Variants in MOXD1 observed in about 807,000 individuals in gnomAD.
MOXD1 encodes DBH-like monooxygenase protein 1.
A neutral mutation model predicts 66.6 loss-of-function variants in MOXD1; 62 were observed. The ratio of observed to expected loss-of-function variants is 0.93; its 90% confidence interval spans 0.76 to 1.15. The LOEUF is 1.15. Ranked by LOEUF, MOXD1 falls within the 50% of genes most tolerant of loss-of-function variation. The pLI, the probability that MOXD1 is intolerant of heterozygous loss-of-function variation, is 0.00. For synonymous variants in MOXD1, 303 were observed against 281.9 expected (o/e 1.07, Z -0.75); for missense variants, 847 against 754.6 (o/e 1.12, Z -1.44).
intron 4 of MOXD1, among the ~76,000 whole-genome samples, chr6:132,362,224 C>A (rs896571723): frequency 6.6e-6 from 1 of 151,970 alleles, no homozygotes. Context: ...TTAAGAAAAT[C>A]TTTTATTATA....
At chr6:132,382,156 T>C (rs900361607) in intron 1 of MOXD1, among the ~76,000 whole-genome samples, 6 of 152,120 alleles carry the variant, frequency 3.9e-5, no homozygotes, top group African/African-American at 1.4e-4. Context: ...ACACATATCA[T>C]AAATATACAA....
rs558922195 is a variant in MOXD1, at chr6:132,296,987, C to T, written c.*166G>A. 3.5e-6 allele frequency: 2 copies of T among 571,022 alleles called. No individual in the cohort carries two copies. Among genetic ancestry groups the T allele is most frequent in the Non-Finnish European group, 6.0e-6 (2 of 333,170 alleles). The allele number at this position is 571,022 out of a possible 1,614,324, so 35.4% of individuals were successfully genotyped here. On this transcript the variant is annotated 3_prime_UTR_variant, in exon 12 of 12. Transcript: ENST00000367963. ...ATATTTCTAAGAAAGAGAAGAGAAC[C>T]TGATTGATGTCTCTCATGTAACATG...
At chr6:132,353,292 A>G (rs1290493753) in intron 4 of MOXD1, among the ~76,000 whole-genome samples, 1 of 151,892 alleles carries the variant, frequency 6.6e-6, no homozygotes. Context: ...TTCTGTTTTG[A>G]TGTGTTTCTG....
intron 1 of MOXD1, among the ~76,000 whole-genome samples, chr6:132,397,803 C>G (rs1240522417): frequency 1.3e-5 from 2 of 152,092 alleles, no homozygotes; most frequent in Non-Finnish European, 2.9e-5. Context: ...AACAGTAATT[C>G]ACTCACAAAA....
At chr6:132,381,087 G>A (rs1223252634) in intron 1 of MOXD1, among the ~76,000 whole-genome samples, 1 of 152,220 alleles carries the variant, frequency 6.6e-6, no homozygotes, top group Non-Finnish European at 1.5e-5. Flanking sequence ...GTTTTCTGAT[G>A]TTAATTTATA....
chr6:132,313,586 G>GT (rs1189934577), intron 10 of MOXD1, among the ~76,000 whole-genome samples: 1 of 152,084 alleles, frequency 6.6e-6, no homozygotes, highest in Non-Finnish European at 1.5e-5. Context: ...CTCACTGAAT[G>GT]TTTTTTCACT....
chr6:132,392,270 G>A, intron 1 of MOXD1: 1 of 1,603,564 alleles, frequency 6.2e-7, no homozygotes, highest in Non-Finnish European at 8.5e-7. Context: ...TCGCATCACA[G>A]GCCTCAGTTT....
chr6:132,315,633 A>G lies in MOXD1; in HGVS notation c.1508+2T>C, dbSNP rs1253846958. 2 of 1,607,248 alleles carry G rather than the reference A, an allele frequency of 1.2e-6. No homozygotes were observed. The highest frequency in any genetic ancestry group is 3.5e-5 in the Admixed American group (2 of 57,784). On this transcript the variant is annotated splice_donor_variant, in intron 10 of 11. Coordinates refer to ENST00000367963, the MANE Select transcript of MOXD1 (RefSeq NM_015529.4). LOFTEE classifies it high-confidence loss of function. ...CCATCATAAAATACATTTACTACTT[A>G]CGTGACTGGTCTGTAGATCTCCTTA...
intron 4 of MOXD1, among the ~76,000 whole-genome samples, chr6:132,365,611 T>A (rs1407369511): frequency 6.6e-6 from 1 of 152,190 alleles, no homozygotes; most frequent in Non-Finnish European, 1.5e-5. Flanking sequence ...GTGACAGAGT[T>A]AGCAATAAAT....
intron 4 of MOXD1, among the ~76,000 whole-genome samples, chr6:132,347,136 A>G (rs1775684630): frequency 6.6e-6 from 1 of 152,152 alleles, no homozygotes; most frequent in African/African-American, 2.4e-5. Flanking sequence ...TACTGTCTTC[A>G]TTTTGCAACC....
chr6:132,316,538 T>C (rs1269278142), intron 9 of MOXD1, among the ~76,000 whole-genome samples: 3 of 151,968 alleles, frequency 2.0e-5, no homozygotes, highest in Non-Finnish European at 4.4e-5. Context: ...GAAAAAGGAA[T>C]GACATTAGGA....
chr6:132,371,772 T>C (rs944390944), intron 4 of MOXD1, among the ~76,000 whole-genome samples: 1 of 152,176 alleles, frequency 6.6e-6, no homozygotes, highest in Admixed American at 6.5e-5. Flanking sequence ...TGGCAATTCA[T>C]TCCTTATCCA....
chr6:132,302,363 A>G (rs1774560199), intron 10 of MOXD1, among the ~76,000 whole-genome samples: 1 of 152,180 alleles, frequency 6.6e-6, no homozygotes, highest in Admixed American at 6.6e-5. Context: ...AAAAATTATT[A>G]AACACATCAA....
chr6:132,322,614 C>T (rs1034107930), intron 8 of MOXD1, 65 bp downstream of exon 8: 13 of 1,500,178 alleles, frequency 8.7e-6, no homozygotes, highest in Non-Finnish European at 1.1e-5. Context: ...AACCTTGCCA[C>T]ATCTCAGCAG....
chr6:132,307,556 C>T (rs189251771), intron 10 of MOXD1, among the ~76,000 whole-genome samples: 5 of 152,306 alleles, frequency 3.3e-5, no homozygotes, highest in Non-Finnish European at 7.3e-5. Flanking sequence ...CTGAAATCAA[C>T]AAAACATACA....
chr6:132,362,582 A>C (rs1430317846), intron 4 of MOXD1, among the ~76,000 whole-genome samples: 1 of 152,162 alleles, frequency 6.6e-6, no homozygotes, highest in Non-Finnish European at 1.5e-5. Flanking sequence ...ATTTTGTCAT[A>C]AATTTAACTG....
At chr6:132,305,252 C>A (rs1374406838) in intron 10 of MOXD1, among the ~76,000 whole-genome samples, 1 of 152,252 alleles carries the variant, frequency 6.6e-6, no homozygotes, top group Non-Finnish European at 1.5e-5. Context: ...TGGCAGTCTT[C>A]CACCAGAATG....
intron 2 of MOXD1, among the ~76,000 whole-genome samples, chr6:132,374,028 G>A (rs976676919): frequency 4.6e-5 from 7 of 152,010 alleles, no homozygotes; most frequent in East Asian, 1.9e-4. Context: ...AAAGGTAATC[G>A]TATTGGTCTA....
At chr6:132,333,762 G>A (rs1468019224) in intron 4 of MOXD1, among the ~76,000 whole-genome samples, 2 of 152,182 alleles carry the variant, frequency 1.3e-5, no homozygotes, top group African/African-American at 2.4e-5. Flanking sequence ...TGACAGGCCC[G>A]TGAGCTTACC....
Sources: gnomAD v4.1 joint callset for allele counts (sites outside exome capture counted in the v4.1 genomes callset) on GRCh38, gnomAD v4.1.1 for gene constraint, MANE v1.5 for transcripts, NCBI Gene and HGNC (gene_info 2026-07-23, HGNC 2026-07-21) for gene names.